SEL1L: variants seen among roughly 807,000 people sequenced by gnomAD.
SEL1L encodes the protein protein sel-1 homolog 1.
A neutral mutation model predicts 109.8 loss-of-function variants in SEL1L; 52 were observed. That is an observed-to-expected ratio of 0.47 (90% CI 0.38 to 0.60). The LOEUF (loss-of-function observed/expected upper bound fraction) is 0.60. SEL1L is among the 20% of genes least tolerant of loss of function. The pLI is 0.00. For missense variants in SEL1L, 749 were observed against 962.2 expected, an observed-to-expected ratio of 0.78 and a Z score of 2.93; for synonymous variants, 373 against 339.6, an observed-to-expected ratio of 1.10 and a Z score of -1.08.
rs769388632 is a variant in SEL1L at position 81,487,822 on chromosome 14, G to A, written c.1483+33C>T. 1.9e-6 allele frequency: 3 copies of A among 1,609,020 alleles called. No homozygotes were observed. The South Asian group carries it at 3.4e-5, about 18-fold the overall frequency. ...TAGAAAACAGCTTAATTTAGATCTT[G>A]GTGTATCCATCATTAATTCCAGTGT... On this transcript the variant is annotated intron_variant, in intron 15 of 20. Coordinates refer to ENST00000336735, the MANE Select transcript of SEL1L (RefSeq NM_005065.6).
chr14:81,479,774 T>C (rs570437237), intron 19 of SEL1L, 34 bp from the exon 20 acceptor site: 8 of 1,548,968 alleles, frequency 5.2e-6, no homozygotes, highest in South Asian at 1.2e-5. Context: ...AATGCATTTC[T>C]TGTCAAAATA....
At chr14:81,524,474 G>A (rs1264613078) in intron 3 of SEL1L, among the ~76,000 whole-genome samples, 1 of 152,162 alleles carries the variant, frequency 6.6e-6, no homozygotes, top group Non-Finnish European at 1.5e-5. Context: ...AATGGAACAA[G>A]CTCAATGACA....
intron 11 of SEL1L, among the ~76,000 whole-genome samples, chr14:81,493,018 G>A (rs1883607903): frequency 1.3e-5 from 2 of 152,124 alleles, no homozygotes; most frequent in South Asian, 4.1e-4. Context: ...AAAAATTCTT[G>A]ACCCTACTTA....
At chr14:81,527,325 T>C (rs191787314) in intron 2 of SEL1L, among the ~76,000 whole-genome samples, 90 of 152,254 alleles carry the variant, frequency 5.9e-4, no homozygotes, top group Middle Eastern at 3.4e-3. Flanking sequence ...GGGTTGGGCT[T>C]GGTTAGTACT....
intron 6 of SEL1L, among the ~76,000 whole-genome samples, chr14:81,502,265 T>C (rs78819186): frequency 0.053 from 7,991 of 152,194 alleles, 689 homozygotes; most frequent in African/African-American, 0.18. Context: ...TTACTCATAT[T>C]TGGGTGGTAC....
chr14:81,514,082 G>C (rs993168120), intron 3 of SEL1L, among the ~76,000 whole-genome samples: 7 of 152,152 alleles, frequency 4.6e-5, no homozygotes, highest in Non-Finnish European at 1.0e-4. Flanking sequence ...TTTCTCCTAT[G>C]AGAATGATTT....
chr14:81,498,478 G>A lies in SEL1L; in HGVS notation c.908C>T (p.Ala303Val). The A allele has an allele frequency of 6.2e-7, 1 of 1,613,928 alleles. No individual in the cohort carries two copies. Among genetic ancestry groups the A allele is most frequent in the Non-Finnish European group, 8.5e-7 (1 of 1,179,854 alleles). Reference protein sequence around the residue: ...AHMVLGYRYWAGIGVLQSCES... With the variant: ...AHMVLGYRYWVGIGVLQSCES... ...ACAACTCTGGAGGACGCCGATGCCA[G>A]CCCAGTATCTGTAACCCTGTAAAAC... The change falls in exon 9 of 21, where the codon GCT becomes GTT. Residue 303 changes from alanine to valine, a missense_variant. This residue lies in a region of SEL1L where 366 missense variants were observed against 399.8 expected (regional missense o/e 0.92). Coordinates refer to ENST00000336735, the MANE Select transcript of SEL1L (RefSeq NM_005065.6).
intron 5 of SEL1L, among the ~76,000 whole-genome samples, chr14:81,503,688 T>C (rs965741708): frequency 6.6e-6 from 1 of 152,234 alleles, no homozygotes; most frequent in Non-Finnish European, 1.5e-5. Flanking sequence ...TAAGAGAATA[T>C]GATGGTGTCC....
Position 81,489,277 on chromosome 14 carries a change from T to A in SEL1L, c.1370A>T (p.Tyr457Phe). 1 of 1,614,112 alleles carries A rather than the reference T, an allele frequency of 6.2e-7. No individual in the cohort carries two copies. The highest frequency in any genetic ancestry group is 8.5e-7 in the Non-Finnish European group (1 of 1,179,986). ...AACTTGAACTCCTCTCCCATAGAGG[T>A]AGGCCATTCCAAGCCCACTCTGTCC... ...PVGQSGLGMA[Y>F]LYGRGVQVNY... The change falls in exon 14 of 21, where the codon TAC (tyrosine) becomes TTC (phenylalanine). Residue 457 changes from tyrosine to phenylalanine, a missense_variant. Physicochemically the swap from Tyr to Phe is conservative, Grantham distance 22. Around this residue, in one of 2 missense-constraint regions of SEL1L, gnomAD observed 383 missense variants for 562.5 expected, o/e 0.68. Transcript: ENST00000336735.
rs1386286725 is a variant in SEL1L at position 81,476,668 on chromosome 14, T to G, written c.*304A>C. The G allele has an allele frequency of 3.3e-6, 1 of 306,038 alleles. No individual in the cohort carries two copies. The highest frequency in any genetic ancestry group is 6.2e-6 in the Non-Finnish European group (1 of 162,468). The allele number at this position is 306,038 out of a possible 1,614,324, so 19.0% of individuals were successfully genotyped here. ...AATGACCAAAAGGATCCAAGAAAGA[T>G]AGCTGGATACAGTAGACATTACTCT... is the stretch of plus-strand genomic sequence containing the variant. On this transcript the variant is annotated 3_prime_UTR_variant, in exon 21 of 21. Coordinates refer to ENST00000336735, the MANE Select transcript of SEL1L (RefSeq NM_005065.6).
At chr14:81,492,398 A>C (rs1883575864) in intron 12 of SEL1L, 82 bp downstream of exon 12, 1 of 1,010,428 alleles carries the variant, frequency 9.9e-7, no homozygotes, top group Admixed American at 2.1e-5. Context: ...TTTTTGGTAA[A>C]TTGTAGATCC....
Position 81,498,178 on chromosome 14 carries a change from TATAG to T in SEL1L, c.974-136_974-133del, listed in dbSNP as rs1883851625. On this transcript the variant is annotated intron_variant, in intron 9 of 20. Transcript: ENST00000336735. ...AGGAAGCTGTTTTTACAGTAGTCTATATAGATCGCAAATCAGTAATCTATTAATA... is the reference window on the plus strand; with the variant it reads ...AGGAAGCTGTTTTTACAGTAGTCTATATCGCAAATCAGTAATCTATTAATA... 7 of 950,666 alleles carry T rather than the reference TATAG, an allele frequency of 7.4e-6. No individual in the cohort carries two copies. The Admixed American group carries it at 2.1e-4, about 28-fold the overall frequency. The allele number at this position is 950,666 out of a possible 1,614,324, so 58.9% of individuals were successfully genotyped here. A position where few individuals can be genotyped will look rare whatever the true frequency, so the allele number is the denominator to read the frequency against.
intron 6 of SEL1L, among the ~76,000 whole-genome samples, chr14:81,500,854 CA>C (rs1222581475): frequency 6.6e-6 from 1 of 152,102 alleles, no homozygotes; most frequent in East Asian, 1.9e-4. Context: ...AATAAAAACA[CA>C]AAAATGGAAG....
chr14:81,476,854 C>T lies in SEL1L; in HGVS notation c.*118G>A. ...AAGCAGCTTTAGGAATTCAATGCTT[C>T]CTTGTGCCGTGCCTCTTCTGGGAGG... On this transcript the variant is annotated 3_prime_UTR_variant, in exon 21 of 21. Transcript: ENST00000336735. The T allele has an allele frequency of 1.0e-6, 1 of 954,490 alleles. No homozygotes were observed. The highest frequency in any genetic ancestry group is 2.6e-5 in the East Asian group (1 of 38,190). The allele number at this position is 954,490 out of a possible 1,614,324, so 59.1% of individuals were successfully genotyped here. A position where few individuals can be genotyped will look rare whatever the true frequency, so the allele number is the denominator to read the frequency against.
chr14:81,512,689 T>C (rs909257579), intron 3 of SEL1L, among the ~76,000 whole-genome samples: 11 of 152,232 alleles, frequency 7.2e-5, no homozygotes, highest in Non-Finnish European at 1.5e-4. Flanking sequence ...ATGAGCCAAA[T>C]AAACTTCTGG....
At chr14:81,529,113 G>A (rs916819680) in intron 1 of SEL1L, among the ~76,000 whole-genome samples, 2 of 152,124 alleles carry the variant, frequency 1.3e-5, no homozygotes, top group African/African-American at 2.4e-5. Flanking sequence ...GTGGAGAGAA[G>A]GGTATGCCAC....
At chr14:81,485,424 T>G (rs1903487924) in intron 18 of SEL1L, among the ~76,000 whole-genome samples, 1 of 151,540 alleles carries the variant, frequency 6.6e-6, no homozygotes, top group Non-Finnish European at 1.5e-5. Flanking sequence ...TACAGGAGCC[T>G]GCCACCATGC....
At position 81,506,129 on chromosome 14, in the gene SEL1L, C is replaced by T; in HGVS notation, c.453G>A (p.Leu151=). The T allele has an allele frequency of 3.1e-6, 5 of 1,614,088 alleles. No individual in the cohort carries two copies. The highest frequency in any genetic ancestry group is 4.2e-6 in the Non-Finnish European group (5 of 1,179,926). The change falls in exon 4 of 21, where the codon CTG becomes CTA. Residue 151 remains leucine, a synonymous_variant. Coordinates refer to ENST00000336735, the MANE Select transcript of SEL1L (RefSeq NM_005065.6). ...TGTAGTCATAGGTTGTAGCACACCA[C>T]AGTCTGCCATCTTCCCTCCCATCTG... ...CTSDGREDGR[L]WCATTYDYKA...
chr14:81,484,404 CAA>C lies in SEL1L; in HGVS notation c.1874-9_1874-8del. The C allele has an allele frequency of 6.2e-7, 1 of 1,601,714 alleles. No individual in the cohort carries two copies. The highest frequency in any genetic ancestry group is 8.5e-7 in the Non-Finnish European group (1 of 1,170,234). ...ATTCTAGCCACAGTATAGCCTTAAACAAAAGTTAAATGCAGAACTGCCAATAA... is the reference window on the plus strand; with the variant it reads ...ATTCTAGCCACAGTATAGCCTTAAACAAGTTAAATGCAGAACTGCCAATAA... On this transcript the variant is annotated splice_region_variant and splice_polypyrimidine_tract_variant and intron_variant, in intron 18 of 20. Coordinates refer to ENST00000336735, the MANE Select transcript of SEL1L (RefSeq NM_005065.6).
Sources: allele counts gnomAD v4.1 joint callset (sites outside exome capture counted in the v4.1 genomes callset), GRCh38; gene constraint gnomAD v4.1.1; regional missense constraint gnomAD v4.1.1; transcripts MANE v1.5; gene names NCBI Gene and HGNC (gene_info 2026-07-23, HGNC 2026-07-21).